Variants in TRIQK observed in about 807,000 individuals in gnomAD.
TRIQK encodes triple QxxK/R motif-containing protein.
In TRIQK, 10 loss-of-function variants were observed where a neutral mutation model predicts 10.8. That is an observed-to-expected ratio of 0.92 (90% confidence interval 0.57 to 1.57). The LOEUF is 1.57. Among genes scored for constraint, TRIQK ranks in the 40% most tolerant of loss-of-function variants. The pLI, the probability that TRIQK is intolerant of heterozygous loss-of-function variation, is 0.00. For synonymous variants in TRIQK, 33 were observed against 33.7 expected (o/e 0.98, Z 0.07); for missense variants, 107 against 97.7 (o/e 1.09, Z -0.40).
chr8:92,915,796 G>A (rs116702299), intron 3 of TRIQK, among the ~76,000 whole-genome samples: 10 of 151,948 alleles, frequency 6.6e-5, no homozygotes, highest in Admixed American at 2.0e-4. Flanking sequence ...CACCGCGCCC[G>A]GCCTGTACTA....
At chr8:92,925,786 T>C (rs1252428006) in intron 2 of TRIQK, among the ~76,000 whole-genome samples, 2 of 152,220 alleles carry the variant, frequency 1.3e-5, no homozygotes, top group South Asian at 2.1e-4. Context: ...AACTTCTTTA[T>C]AAAATTGACT....
At chr8:92,955,920 G>C (rs1011243232) in intron 1 of TRIQK, among the ~76,000 whole-genome samples, 81 of 151,594 alleles carry the variant, frequency 5.3e-4, no homozygotes, top group African/African-American at 1.9e-3. Flanking sequence ...TGCAAGTGGA[G>C]ATAAGGAATG....
chr8:92,917,127 AT>A, intron 2 of TRIQK, 117 bp from the exon 3 acceptor site: 1 of 450,410 alleles, frequency 2.2e-6, no homozygotes, highest in Non-Finnish European at 3.7e-6. Flanking sequence ...ACTTTGACTT[AT>A]TTCCATTAAA....
At chr8:92,907,438 T>C (rs1353225187) in intron 3 of TRIQK, among the ~76,000 whole-genome samples, 1 of 152,184 alleles carries the variant, frequency 6.6e-6, no homozygotes, top group Non-Finnish European at 1.5e-5. Flanking sequence ...CTGTTAAATA[T>C]GGATTAAAAA....
At chr8:92,987,261 T>C (rs1051823290) in intron 1 of TRIQK, among the ~76,000 whole-genome samples, 4 of 152,202 alleles carry the variant, frequency 2.6e-5, no homozygotes, top group Admixed American at 2.6e-4. Context: ...CTCTACCTTG[T>C]AGTACAGTGA....
intron 2 of TRIQK, among the ~76,000 whole-genome samples, chr8:92,947,587 GAA>G (rs35808197): frequency 0.036 from 2,229 of 61,420 alleles, 58 homozygotes; most frequent in African/African-American, 0.13. Flanking sequence ...TCCGCCTCAG[GAA>G]AAAAAAAAAA....
intron 1 of TRIQK, among the ~76,000 whole-genome samples, chr8:93,014,747 GA>G (rs1306430586): frequency 6.6e-6 from 1 of 151,888 alleles, no homozygotes; most frequent in African/African-American, 2.4e-5. Flanking sequence ...TAAGAGAGGG[GA>G]AAAAATCTGT....
intron 1 of TRIQK, among the ~76,000 whole-genome samples, chr8:92,999,433 T>A (rs1275251483): frequency 2.0e-5 from 3 of 152,226 alleles, no homozygotes; most frequent in Non-Finnish European, 1.5e-5. Context: ...TCTAAGTTTT[T>A]AATCCATTTT....
intron 2 of TRIQK, among the ~76,000 whole-genome samples, chr8:92,952,945 T>C (rs577864487): frequency 8.1e-4 from 124 of 152,150 alleles, no homozygotes; most frequent in African/African-American, 2.9e-3. Context: ...CCAGAACCAT[T>C]CTACCAACTT....
intron 1 of TRIQK, among the ~76,000 whole-genome samples, chr8:92,960,200 GTCTA>G (rs758941087): frequency 6.6e-5 from 10 of 151,588 alleles, no homozygotes; most frequent in Non-Finnish European, 1.0e-4. Context: ...ACAACTATTT[GTCTA>G]TCTATCTATC....
chr8:92,955,808 C>T (rs992983638), intron 1 of TRIQK, among the ~76,000 whole-genome samples: 2 of 151,638 alleles, frequency 1.3e-5, no homozygotes, highest in African/African-American at 4.8e-5. Flanking sequence ...TGCCAAAAAG[C>T]ACATGAAAAG....
At chr8:92,994,495 G>A (rs1813132570) in intron 1 of TRIQK, among the ~76,000 whole-genome samples, 1 of 151,498 alleles carries the variant, frequency 6.6e-6, no homozygotes, top group African/African-American at 2.4e-5. Flanking sequence ...AAAAAATCCA[G>A]TCCATTCATA....
chr8:92,954,540 A>G lies in TRIQK; in HGVS notation c.-156T>C, dbSNP rs968296407. ...GCAAATTCAATTCCAAATACCAAAA[A>G]TAATATTCTTGGTGATTTTTCTTAC... is the stretch of plus-strand genomic sequence containing the variant. On this transcript the variant is annotated 5_prime_UTR_variant, in exon 2 of 5. Coordinates refer to ENST00000521988, the MANE Select transcript of TRIQK (RefSeq NM_001171797.2). 3 of 151,924 alleles carry G rather than the reference A, an allele frequency of 2.0e-5. No homozygotes were observed. The highest frequency in any genetic ancestry group is 7.2e-5 in the African/African-American group (3 of 41,414). The allele number at this position is 151,924 out of a possible 1,614,324, so 9.4% of individuals were successfully genotyped here. A position where few individuals can be genotyped will look rare whatever the true frequency, so the allele number is the denominator to read the frequency against.
In TRIQK at chr8:92,886,294, A is replaced by T. The variant is rs904337758; in HGVS notation, c.*328T>A. The T allele has an allele frequency of 1.5e-4, 25 of 162,398 alleles. No homozygotes were observed. Among genetic ancestry groups the T allele is most frequent in the Admixed American group, 6.4e-4 (10 of 15,604 alleles). 10.1% of individuals were successfully genotyped at this position (162,398 alleles called of 1,614,324 possible). A position where few individuals can be genotyped will look rare whatever the true frequency, so the allele number is the denominator to read the frequency against. On this transcript the variant is annotated 3_prime_UTR_variant, in exon 5 of 5. Transcript: ENST00000521988. ...ATATAGAACAAAAATAGACTTACTC[A>T]TCAGGAAGTGATGGAATTATACACA...
At chr8:92,955,363 T>C (rs1812116800) in intron 1 of TRIQK, among the ~76,000 whole-genome samples, 1 of 151,748 alleles carries the variant, frequency 6.6e-6, no homozygotes, top group South Asian at 2.1e-4. Flanking sequence ...TAATCCTTTT[T>C]AACAAAGGTG....
At chr8:92,994,079 T>C (rs1813125927) in intron 1 of TRIQK, among the ~76,000 whole-genome samples, 1 of 152,154 alleles carries the variant, frequency 6.6e-6, no homozygotes, top group African/African-American at 2.4e-5. Context: ...GAGCCCTTAG[T>C]TATTTTTGTA....
rs114738000 is a variant in TRIQK, at chr8:92,955,511, G to A, written c.-180-947C>T. On this transcript the variant is annotated intron_variant, in intron 1 of 4. Coordinates refer to ENST00000521988, the MANE Select transcript of TRIQK (RefSeq NM_001171797.2). ...TAGGAATAAAACTTTATTACTTTGAGTTTGAAAATAGTCTCTTAGATACAA... is the reference window on the plus strand; with the variant it reads ...TAGGAATAAAACTTTATTACTTTGAATTTGAAAATAGTCTCTTAGATACAA... Among the ~76,000 whole-genome samples the A allele has an allele frequency of 2.5e-3, 377 of 151,778 alleles. 2 individuals are homozygous for A. Among genetic ancestry groups the A allele is most frequent in the African/African-American group, 7.9e-3 (326 of 41,476 alleles).
chr8:93,004,159 G>C (rs1007771830), intron 1 of TRIQK, among the ~76,000 whole-genome samples: 6 of 152,176 alleles, frequency 3.9e-5, no homozygotes, highest in African/African-American at 1.4e-4. Flanking sequence ...ATTCATGAAG[G>C]ATCTAGCCCT....
intron 1 of TRIQK, among the ~76,000 whole-genome samples, chr8:92,983,298 ATT>A (rs1204094596): frequency 1.3e-5 from 2 of 152,016 alleles, no homozygotes; most frequent in Admixed American, 6.6e-5. Flanking sequence ...AAAACAAAAG[ATT>A]TTGTGACTGT....
Sources: allele counts gnomAD v4.1 joint callset (sites outside exome capture counted in the v4.1 genomes callset), GRCh38; gene constraint gnomAD v4.1.1; transcripts MANE v1.5; gene names NCBI Gene and HGNC (gene_info 2026-07-23, HGNC 2026-07-21).